MICAL3: variants seen among roughly 807,000 people sequenced by gnomAD.
The protein encoded by MICAL3 is [F-actin]-monooxygenase MICAL3.
In MICAL3, 62 loss-of-function variants were observed where a neutral mutation model predicts 207.4. That is an observed-to-expected ratio of 0.30 (90% CI 0.24 to 0.37). The LOEUF (loss-of-function observed/expected upper bound fraction) is 0.37, where lower values mean the gene tolerates loss of function less well. MICAL3 is among the 10% of genes least tolerant of loss of function. The pLI, the probability that MICAL3 is intolerant of heterozygous loss-of-function variation, is 1.00. For synonymous variants in MICAL3, 1,077 were observed against 1,069.3 expected, an observed-to-expected ratio of 1.01 and a Z score of -0.14; for missense variants, 2,368 against 2,635.6, an observed-to-expected ratio of 0.90 and a Z score of 2.22.
intron 1 of MICAL3, among the ~76,000 whole-genome samples, chr22:17,917,980 G>T (rs944781639): frequency 7.9e-5 from 12 of 152,194 alleles, no homozygotes; most frequent in African/African-American, 2.7e-4. Flanking sequence ...CTGCTGAGGT[G>T]CCCATCCACA....
At chr22:17,929,942 C>G (rs1933159860) in intron 1 of MICAL3, among the ~76,000 whole-genome samples, 1 of 152,170 alleles carries the variant, frequency 6.6e-6, no homozygotes, top group African/African-American at 2.4e-5. Context: ...ACTCTCATAT[C>G]TGGAATGTAG....
At position 17,862,743 on chromosome 22, in the gene MICAL3, C is replaced by T. The variant is rs549073341; in HGVS notation, c.2605+2156G>A. 1.8e-4 allele frequency: 173 copies of T among 985,470 alleles called. No individual in the cohort carries two copies. The African/African-American group carries it at 2.3e-3, about 13-fold the overall frequency. 61.0% of individuals were successfully genotyped at this position (985,470 alleles called of 1,614,324 possible). Reference sequence around the variant, plus strand: ...AAGGCTAGCAGCAGAGTGAGCTCACCGGGAGGCAAGGTGCCCTGATTCTGA... The same window carrying T: ...AAGGCTAGCAGCAGAGTGAGCTCACTGGGAGGCAAGGTGCCCTGATTCTGA... On this transcript the variant is annotated intron_variant, in intron 19 of 31. Transcript: ENST00000441493.
At chr22:17,849,631 G>A (rs1224953382) in intron 19 of MICAL3, among the ~76,000 whole-genome samples, 1 of 148,384 alleles carries the variant, frequency 6.7e-6, no homozygotes, top group East Asian at 2.0e-4. Context: ...CACTGTGCCT[G>A]GCCCAGAATG....
At chr22:18,008,481 G>T (rs1182823385) in intron 1 of MICAL3, among the ~76,000 whole-genome samples, 1 of 152,174 alleles carries the variant, frequency 6.6e-6, no homozygotes, top group Admixed American at 6.5e-5. Flanking sequence ...GAACAGAGTG[G>T]TTTAGAACAA....
At chr22:17,998,798 C>T (rs576605527) in intron 1 of MICAL3, among the ~76,000 whole-genome samples, 47 of 152,188 alleles carry the variant, frequency 3.1e-4, no homozygotes, top group African/African-American at 1.1e-3. Flanking sequence ...CGTGATCCGC[C>T]CGCCTGGCCT....
chr22:18,003,292 G>A (rs1476386759), intron 1 of MICAL3, among the ~76,000 whole-genome samples: 1 of 152,004 alleles, frequency 6.6e-6, no homozygotes. Flanking sequence ...TCTTAGAGAA[G>A]AATATTCTTC....
At chr22:17,979,777 A>T (rs1449623139) in intron 1 of MICAL3, among the ~76,000 whole-genome samples, 2 of 96,102 alleles carry the variant, frequency 2.1e-5, no homozygotes, top group Non-Finnish European at 4.3e-5. Flanking sequence ...TGGTGGATTT[A>T]AAAAAACAAA....
intron 22 of MICAL3, 49 bp from the exon 23 acceptor site, chr22:17,823,109 A>T (rs759643945): frequency 1.6e-6 from 2 of 1,273,912 alleles, no homozygotes; most frequent in Non-Finnish European, 2.3e-6. Flanking sequence ...GGACAGACAG[A>T]CAGGCTGCAT....
chr22:17,929,568 C>CTTTTTTTTTTTTTTTTTTTT (rs67222681), intron 1 of MICAL3, among the ~76,000 whole-genome samples: 1 of 108,902 alleles, frequency 9.2e-6, no homozygotes, highest in Non-Finnish European at 1.8e-5. Flanking sequence ...CTTTTCTTTT[C>CTTTTTTTTTTTTTTTTTTTT]TTTTTTTTTT....
At chr22:17,920,575 C>G (rs1028695220) in intron 1 of MICAL3, among the ~76,000 whole-genome samples, 1 of 152,194 alleles carries the variant, frequency 6.6e-6, no homozygotes. Context: ...CTCTCCACAC[C>G]GGCCTCCAGT....
rs1452969804 is a variant in MICAL3 at position 17,810,749 on chromosome 22, C to T, written c.5510G>A (p.Arg1837Gln). 11 of 1,613,852 alleles carry T rather than the reference C, an allele frequency of 6.8e-6. No individual in the cohort carries two copies. Among genetic ancestry groups the T allele is most frequent in the African/African-American group, 1.3e-5 (1 of 74,914 alleles). The change falls in exon 28 of 32, where the codon CGG becomes CAG. Residue 1837 changes from arginine to glutamine, a missense_variant. Physicochemically the swap from Arg to Gln is conservative, Grantham distance 43 (BLOSUM62 1). Transcript: ENST00000441493. ...AAGCTCCTCCTGCTTGGCCTGTCTC[C>T]GAGCTGCCTTTTGCACACGCCGGGT... Reference protein sequence around the residue: ...KLTRRVQKAARRQAKQEELKR... With the variant: ...KLTRRVQKAAQRQAKQEELKR...
chr22:17,894,545 A>G (rs1305839620), intron 10 of MICAL3, among the ~76,000 whole-genome samples: 1 of 152,040 alleles, frequency 6.6e-6, no homozygotes, highest in Admixed American at 6.6e-5. Context: ...GTGAACAGAA[A>G]ATTACACTAG....
intron 1 of MICAL3, among the ~76,000 whole-genome samples, chr22:17,953,802 G>A (rs149974259): frequency 2.6e-3 from 400 of 151,652 alleles, no homozygotes; most frequent in African/African-American, 9.0e-3. Context: ...GCAGTGGTGC[G>A]TACCTGTAAT....
intron 16 of MICAL3, among the ~76,000 whole-genome samples, chr22:17,876,122 C>T (rs758962263): frequency 1.3e-5 from 2 of 152,108 alleles, no homozygotes; most frequent in Non-Finnish European, 2.9e-5. Context: ...AGCTGAATCC[C>T]AAGCAAAGAT....
intron 1 of MICAL3, among the ~76,000 whole-genome samples, chr22:17,992,805 C>A (rs1018051240): frequency 6.6e-6 from 1 of 152,128 alleles, no homozygotes; most frequent in African/African-American, 2.4e-5. Flanking sequence ...ATTTATCTCA[C>A]GGGATTTGGA....
rs1569078712 is a variant in MICAL3, at chr22:17,818,840, G to C, written c.3821C>G (p.Ser1274Cys). The C allele has an allele frequency of 6.5e-7, 1 of 1,549,200 alleles. No homozygotes were observed. The highest frequency in any genetic ancestry group is 1.4e-5 in the African/African-American group (1 of 73,454). The change falls in exon 26 of 32, where the codon TCC becomes TGC. Residue 1274 changes from serine to cysteine, a missense_variant. Transcript: ENST00000441493. ...PQPSTEATVP[S>C]PTQSPIRFQP... is the part of the protein sequence containing the mutation. ...GAAGCGTATGGGGGACTGGGTAGGG[G>C]ATGGGACAGTGGCCTCGGTGGAAGG...
At chr22:18,024,178 A>G (rs894602137) in intron 1 of MICAL3, 103 bp downstream of exon 1, 1 of 152,282 alleles carries the variant, frequency 6.6e-6, no homozygotes, top group African/African-American at 2.4e-5. Flanking sequence ...ACGCTTCCCC[A>G]CCATAAGCAA....
intron 19 of MICAL3, among the ~76,000 whole-genome samples, chr22:17,849,187 C>T (rs994594144): frequency 1.3e-5 from 2 of 152,252 alleles, no homozygotes; most frequent in East Asian, 1.9e-4. Flanking sequence ...AGGCTCTACA[C>T]ACGGCCTTAA....
chr22:17,869,756 A>G (rs1009870902), intron 17 of MICAL3, among the ~76,000 whole-genome samples: 6 of 152,184 alleles, frequency 3.9e-5, no homozygotes, highest in African/African-American at 1.4e-4. Flanking sequence ...CAAGTGAGCT[A>G]TTACTAGTTG....
Sources: gnomAD v4.1 joint callset for allele counts (sites outside exome capture counted in the v4.1 genomes callset) on GRCh38, gnomAD v4.1.1 for gene constraint, MANE v1.5 for transcripts, NCBI Gene and HGNC (gene_info 2026-07-23, HGNC 2026-07-21) for gene names.